The following FAM241A variants were observed in gnomAD, a reference collection of about 807,000 sequenced individuals.
The protein encoded by FAM241A is uncharacterized protein FAM241A.
Under a neutral mutation model 12.2 loss-of-function variants are expected in FAM241A, and 7 were observed. The ratio of observed to expected loss-of-function variants is 0.58; its 90% CI spans 0.33 to 1.08. FAM241A has a LOEUF of 1.08. Ranked by LOEUF, FAM241A falls within the 50% of genes least tolerant of loss-of-function variation. FAM241A has a pLI of 0.04. For synonymous variants in FAM241A, 74 were observed against 68.2 expected (o/e 1.08, Z -0.42); for missense variants, 161 against 169.7 (o/e 0.95, Z 0.29).
chr4:112,149,143 A>G (rs1436195566), intron 1 of FAM241A, among the ~76,000 whole-genome samples: 1 of 152,028 alleles, frequency 6.6e-6, no homozygotes, highest in Non-Finnish European at 1.5e-5. Context: ...TTACTACAGT[A>G]TATTCATTTG....
At chr4:112,182,504 TAA>T (rs201526548) in intron 1 of FAM241A, among the ~76,000 whole-genome samples, 1 of 144,592 alleles carries the variant, frequency 6.9e-6, no homozygotes, top group Admixed American at 6.9e-5. Context: ...GTTGTAAACT[TAA>T]AAAAAAAAAA....
At chr4:112,150,763 GTAAC>G (rs1215573081) in intron 1 of FAM241A, among the ~76,000 whole-genome samples, 1 of 152,240 alleles carries the variant, frequency 6.6e-6, no homozygotes, top group Non-Finnish European at 1.5e-5. Flanking sequence ...CTTTAGGCAA[GTAAC>G]TAACCTCTCT....
In FAM241A at chr4:112,192,518, C is replaced by G. The variant is rs1434285376; in HGVS notation, c.*5580C>G. 2 of 139,936 alleles carry G rather than the reference C, an allele frequency of 1.4e-5. No individual in the cohort carries two copies. The highest frequency in any genetic ancestry group is 5.4e-5 in the African/African-American group (2 of 37,194). The allele number at this position is 139,936 out of a possible 1,614,324, so 8.7% of individuals were successfully genotyped here. A position where few individuals can be genotyped will look rare whatever the true frequency, so the allele number is the denominator to read the frequency against. On this transcript the variant is annotated 3_prime_UTR_variant, in exon 2 of 2. Transcript: ENST00000309733. The stretch of plus-strand genomic sequence containing the variant: ...CCCCTCCCCCCACCCCACAACAGTC[C>G]CCAGAGTGTGATGTTCCCCTTCCTG...
At chr4:112,154,871 A>G (rs1578370079) in intron 1 of FAM241A, among the ~76,000 whole-genome samples, 1 of 152,080 alleles carries the variant, frequency 6.6e-6, no homozygotes, top group African/African-American at 2.4e-5. Context: ...CGCCTCTCCA[A>G]AAAGATACAA....
At chr4:112,179,283 C>G (rs567736589) in intron 1 of FAM241A, among the ~76,000 whole-genome samples, 1 of 152,184 alleles carries the variant, frequency 6.6e-6, no homozygotes, top group African/African-American at 2.4e-5. Context: ...GCACTACTCA[C>G]AATAGCAAAG....
intron 1 of FAM241A, among the ~76,000 whole-genome samples, chr4:112,175,405 T>C (rs945148443): frequency 2.0e-5 from 3 of 152,164 alleles, no homozygotes; most frequent in Non-Finnish European, 4.4e-5. Context: ...TCTTTTTCAA[T>C]AGTTGCAGTA....
intron 1 of FAM241A, among the ~76,000 whole-genome samples, chr4:112,156,353 C>G (rs1022166633): frequency 5.9e-5 from 9 of 152,122 alleles, no homozygotes. Flanking sequence ...GAAAGAACCT[C>G]CCACCCCATA....
chr4:112,152,287 G>T (rs1055456392), intron 1 of FAM241A, among the ~76,000 whole-genome samples: 2 of 152,098 alleles, frequency 1.3e-5, no homozygotes, highest in Non-Finnish European at 2.9e-5. Context: ...AATAGGAAAA[G>T]GCCAGGAATG....
intron 1 of FAM241A, among the ~76,000 whole-genome samples, chr4:112,153,357 T>C (rs1344728656): frequency 6.6e-6 from 1 of 152,230 alleles, no homozygotes; most frequent in African/African-American, 2.4e-5. Flanking sequence ...AGTCTTGCTG[T>C]AACAGAAATA....
intron 1 of FAM241A, among the ~76,000 whole-genome samples, chr4:112,183,951 T>G (rs1723992331): frequency 6.6e-6 from 1 of 151,946 alleles, no homozygotes; most frequent in African/African-American, 2.4e-5. Context: ...CCAGTCATAA[T>G]ATATCAGTGA....
At chr4:112,179,160 G>T (rs527393685) in intron 1 of FAM241A, among the ~76,000 whole-genome samples, 26 of 152,270 alleles carry the variant, frequency 1.7e-4, no homozygotes, top group African/African-American at 6.3e-4. Context: ...TTTGGCTTCT[G>T]TTGCCATTGC....
chr4:112,171,455 G>T, intron 1 of FAM241A: 1 of 778,878 alleles, frequency 1.3e-6, no homozygotes, highest in Non-Finnish European at 2.3e-6. Flanking sequence ...CTAAGAGAAT[G>T]CTGGCTATTA....
intron 1 of FAM241A, among the ~76,000 whole-genome samples, chr4:112,157,238 G>A (rs1723373016): frequency 6.6e-6 from 1 of 152,102 alleles, no homozygotes; most frequent in Non-Finnish European, 1.5e-5. Flanking sequence ...TTCAAAACTG[G>A]CTTTTTCCAC....
Position 112,145,717 on chromosome 4 carries a change from C to G in FAM241A, c.137C>G (p.Pro46Arg). 3 of 1,195,098 alleles carry G rather than the reference C, an allele frequency of 2.5e-6. No homozygotes were observed. Among genetic ancestry groups the G allele is most frequent in the Non-Finnish European group, 3.1e-6 (3 of 964,374 alleles). 74.0% of individuals were successfully genotyped at this position (1,195,098 alleles called of 1,614,324 possible). A position where few individuals can be genotyped will look rare whatever the true frequency, so the allele number is the denominator to read the frequency against. Reference sequence around the variant, plus strand: ...AGCCCGCGGCGGCGCGGACAGCGGCCGAAGGAGAGCGAGCAGGTGAGCGCG... The same window carrying G: ...AGCCCGCGGCGGCGCGGACAGCGGCGGAAGGAGAGCGAGCAGGTGAGCGCG... The part of the protein sequence containing the change: ...GASPRRRGQR[P>R]KESEQDVEDS... Residue 46 changes from proline to arginine, a missense_variant, in exon 1 of 2, where the codon CCG becomes CGG. Physicochemically the swap from Pro to Arg is moderately radical, Grantham distance 103 (BLOSUM62 -2). Coordinates refer to ENST00000309733, the MANE Select transcript of FAM241A (RefSeq NM_152400.3).
intron 1 of FAM241A, among the ~76,000 whole-genome samples, chr4:112,163,311 G>C (rs1405529341): frequency 6.6e-6 from 1 of 152,144 alleles, no homozygotes; most frequent in South Asian, 2.1e-4. Flanking sequence ...TGACAAATGG[G>C]ATCTAATTAA....
At chr4:112,167,782 T>C (rs1723628795) in intron 1 of FAM241A, among the ~76,000 whole-genome samples, 1 of 152,214 alleles carries the variant, frequency 6.6e-6, no homozygotes, top group Non-Finnish European at 1.5e-5. Context: ...TGATAAGCAT[T>C]CAATTATTAT....
At chr4:112,161,702 G>A (rs998326947) in intron 1 of FAM241A, among the ~76,000 whole-genome samples, 20 of 152,118 alleles carry the variant, frequency 1.3e-4, no homozygotes, top group Non-Finnish European at 1.8e-4. Flanking sequence ...AGGACCAGAC[G>A]GATTCACAGC....
rs779001227 is a variant in FAM241A, at chr4:112,186,948, G to T, written c.*10G>T. 16 of 1,604,882 alleles carry T rather than the reference G, an allele frequency of 1.0e-5. No individual in the cohort carries two copies. The highest frequency in any genetic ancestry group is 2.7e-5 in the African/African-American group (2 of 74,506). ...TTATGTGCAACAGTAAAACATGGCC[G>T]AATTGAATTGTTTGACATTTGGTAG... is the stretch of plus-strand genomic sequence containing the variant. On this transcript the variant is annotated 3_prime_UTR_variant, in exon 2 of 2. Coordinates refer to ENST00000309733, the MANE Select transcript of FAM241A (RefSeq NM_152400.3).
intron 1 of FAM241A, among the ~76,000 whole-genome samples, chr4:112,154,932 G>A (rs775874110): frequency 1.1e-4 from 17 of 152,058 alleles, no homozygotes; most frequent in Non-Finnish European, 1.9e-4. Context: ...TACTCAGGAG[G>A]CTGAGGTAGA....
Sources: gnomAD v4.1 joint callset for allele counts (sites outside exome capture counted in the v4.1 genomes callset) on GRCh38, gnomAD v4.1.1 for gene constraint, MANE v1.5 for transcripts, NCBI Gene and HGNC (gene_info 2026-07-23, HGNC 2026-07-21) for gene names.